The following ANKZF1 variants were observed in gnomAD, a reference collection of about 807,000 sequenced individuals.
ANKZF1 encodes the protein tRNA endonuclease ANKZF1.
A neutral mutation model predicts 86.0 loss-of-function variants in ANKZF1; 84 were observed. That is an observed-to-expected ratio of 0.98 (90% CI 0.82 to 1.17). The LOEUF is 1.17. ANKZF1 is among the 50% of genes most tolerant of loss of function. The pLI, the probability that ANKZF1 is intolerant of heterozygous loss-of-function variation, is 0.00. For missense variants in ANKZF1, 893 were observed against 918.4 expected (o/e 0.97, Z 0.36); for synonymous variants, 331 against 354.2 (o/e 0.93, Z 0.74).
At chr2:219,232,776 T>C (rs1951082068) in intron 5 of ANKZF1, 93 bp downstream of exon 5, 7 of 1,348,116 alleles carry the variant, frequency 5.2e-6, no homozygotes, top group Non-Finnish European at 7.1e-6. Context: ...CCTGCTTCTC[T>C]TCCTTCCTGT....
chr2:219,233,266 T>C lies in ANKZF1; in HGVS notation c.672-20T>C, dbSNP rs749244383. On this transcript the variant is annotated intron_variant, in intron 6 of 13. Transcript: ENST00000323348. ...GGGAGCACCAGCTGGTCTCCAGTAC[T>C]GAGTCTGTGCTGTCTACAGAAGAGA... 1.2e-6 allele frequency: 2 copies of C among 1,614,220 alleles called. No individual in the cohort carries two copies. The highest frequency in any genetic ancestry group is 1.7e-6 in the Non-Finnish European group (2 of 1,180,040).
chr2:219,236,121 G>A (rs756677201), intron 13 of ANKZF1, 26 bp downstream of exon 13: 1 of 1,613,496 alleles, frequency 6.2e-7, no homozygotes, highest in South Asian at 1.1e-5. Flanking sequence ...TGAGGGAGTG[G>A]GTGGACTGTA....
In ANKZF1 at chr2:219,234,141, C is replaced by T; in HGVS notation, c.1057C>T (p.Pro353Ser). 1 of 1,610,090 alleles carries T rather than the reference C, an allele frequency of 6.2e-7. No homozygotes were observed. Among genetic ancestry groups the T allele is most frequent in the Non-Finnish European group, 8.5e-7 (1 of 1,179,116 alleles). ...CTTTTCTTTTATGGCAGAAGAAGACCCTCGGGAAGCAGTCAGACTGCACTC... is the reference window on the plus strand; with the variant it reads ...CTTTTCTTTTATGGCAGAAGAAGACTCTCGGGAAGCAGTCAGACTGCACTC... Reference protein sequence around the residue: ...LTTLHVYEEDPREAVRLHSPQ... With the variant: ...LTTLHVYEEDSREAVRLHSPQ... Residue 353 changes from proline (P) to serine (S), a missense_variant, in exon 9 of 14, where the codon CCT becomes TCT. Coordinates refer to ENST00000323348, the MANE Select transcript of ANKZF1 (RefSeq NM_018089.3).
rs747660271 is a variant in ANKZF1, at chr2:219,235,786, C to A, written c.1882C>A (p.Arg628=). 5.6e-6 allele frequency: 9 copies of A among 1,614,040 alleles called. No individual in the cohort carries two copies. In the East Asian group the frequency reaches 1.6e-4, roughly 28 times the overall value. ...KREQKAARRQ[R]EEQQQRQQEQ... ...GGAGCAGAAGGCAGCCCGGCGGCAA[C>A]GGGAGGAACAGCAGCAGAGGCAGCA... The change falls in exon 12 of 14, where the codon CGG becomes AGG. Residue 628 remains arginine, a synonymous_variant. Transcript: ENST00000323348.
Position 219,234,169 on chromosome 2 carries a change from C to T in ANKZF1, c.1085C>T (p.Pro362Leu), listed in dbSNP as rs756458786. 7 of 1,614,048 alleles carry T rather than the reference C, an allele frequency of 4.3e-6. No homozygotes were observed. In the South Asian group the frequency reaches 6.6e-5, roughly 15 times the overall value. The change falls in exon 9 of 14, where the codon CCT (proline) becomes CTT (leucine). Residue 362 changes from proline to leucine, a missense_variant. Coordinates refer to ENST00000323348, the MANE Select transcript of ANKZF1 (RefSeq NM_018089.3). ...CGGGAAGCAGTCAGACTGCACTCAC[C>T]TCAGACACACTGGAAAACAGTAAGA... is the stretch of plus-strand genomic sequence containing the variant. ...DPREAVRLHS[P>L]QTHWKTVREE...
chr2:219,233,061 T>A lies in ANKZF1; in HGVS notation c.559-18T>A, dbSNP rs745849871. On this transcript the variant is annotated intron_variant, in intron 5 of 13. Transcript: ENST00000323348. ...GTGAATGCAACAGATATGTTTCTGATGCTTCTCTGTCATCAAGGATCCCCC... is the reference window on the plus strand; with the variant it reads ...GTGAATGCAACAGATATGTTTCTGAAGCTTCTCTGTCATCAAGGATCCCCC... 1.2e-6 allele frequency: 2 copies of A among 1,606,814 alleles called. No homozygotes were observed. The highest frequency in any genetic ancestry group is 2.2e-5 in the South Asian group (2 of 90,876).
At position 219,233,803 on chromosome 2, in the gene ANKZF1, G is replaced by C. The variant is rs751522323; in HGVS notation, c.908G>C (p.Arg303Pro). 4 of 1,613,994 alleles carry C rather than the reference G, an allele frequency of 2.5e-6. No individual in the cohort carries two copies. Among genetic ancestry groups the C allele is most frequent in the East Asian group, 2.2e-5 (1 of 44,900 alleles). ...TILLRAPRSG[R>P]SLFFGGKGAP... ...CTGTTGCGTGCTCCCCGCTCTGGCCGGTCTTTGTTCTTTGGAGGCAAGGGA... is the reference window on the plus strand; with the variant it reads ...CTGTTGCGTGCTCCCCGCTCTGGCCCGTCTTTGTTCTTTGGAGGCAAGGGA... The change falls in exon 8 of 14, where the codon CGG becomes CCG. Residue 303 changes from arginine to proline, a missense_variant. By Grantham distance (103) the Arg-to-Pro change is moderately radical. Transcript: ENST00000323348.
At position 219,232,618 on chromosome 2, in the gene ANKZF1, G is replaced by A. The variant is rs1460855780; in HGVS notation, c.493G>A (p.Val165Ile). The A allele has an allele frequency of 6.2e-7, 1 of 1,614,174 alleles. No homozygotes were observed. The highest frequency in any genetic ancestry group is 8.5e-7 in the Non-Finnish European group (1 of 1,180,020). Residue 165 changes from valine to isoleucine, a missense_variant, in exon 5 of 14, where the codon GTT (valine) becomes ATT (isoleucine). By Grantham distance (29) the Val-to-Ile change is conservative. Coordinates refer to ENST00000323348, the MANE Select transcript of ANKZF1 (RefSeq NM_018089.3). ...SRPPGFYPHR[V>I]LFQNAQGQFL... Reference sequence around the variant, plus strand: ...ACCCCCAGGCTTTTACCCTCATCGAGTTCTTTTCCAGAATGCCCAGGGCCA... The same window carrying A: ...ACCCCCAGGCTTTTACCCTCATCGAATTCTTTTCCAGAATGCCCAGGGCCA...
chr2:219,233,754 G>T lies in ANKZF1; in HGVS notation c.859G>T (p.Ala287Ser), dbSNP rs757091870. The change falls in exon 8 of 14, where the codon GCG becomes TCG. Residue 287 changes from alanine (A) to serine (S), a missense_variant. By Grantham distance (99) the Ala-to-Ser change is moderately conservative. Coordinates refer to ENST00000323348, the MANE Select transcript of ANKZF1 (RefSeq NM_018089.3). ...DLLAGPSWAKALEEAGTILLR... is the reference protein window; with the variant it reads ...DLLAGPSWAKSLEEAGTILLR... ...GCTGGCAGGGCCAAGCTGGGCTAAGGCGCTGGAGGAGGCTGGTACAATACT... is the reference window on the plus strand; with the variant it reads ...GCTGGCAGGGCCAAGCTGGGCTAAGTCGCTGGAGGAGGCTGGTACAATACT... 1.9e-6 allele frequency: 3 copies of T among 1,613,938 alleles called. No individual in the cohort carries two copies. The highest frequency in any genetic ancestry group is 1.3e-5 in the African/African-American group (1 of 74,932).
At chr2:219,234,054 C>T in intron 8 of ANKZF1, 79 bp from the exon 9 acceptor site, 3 of 1,554,804 alleles carry the variant, frequency 1.9e-6, no homozygotes, top group East Asian at 4.5e-5. Context: ...GACTGCAGCC[C>T]AGCTACATCT....
Position 219,232,349 on chromosome 2 carries a change from G to C in ANKZF1, c.351G>C (p.Lys117Asn), listed in dbSNP as rs771177890. 1 of 1,614,210 alleles carries C rather than the reference G, an allele frequency of 6.2e-7. No individual in the cohort carries two copies. Among genetic ancestry groups the C allele is most frequent in the East Asian group, 2.2e-5 (1 of 44,892 alleles). ...KPLLSALDFE[K>N]QSSTGDLSSI... ...TCCTGTCTGCCCTGGACTTTGAAAA[G>C]CAGAGCTCCACAGGTGATGAGTGGT... The change falls in exon 4 of 14, where the codon AAG becomes AAC. Residue 117 changes from lysine (K) to asparagine (N), a missense_variant. By Grantham distance (94) the Lys-to-Asn change is moderately conservative. Coordinates refer to ENST00000323348, the MANE Select transcript of ANKZF1 (RefSeq NM_018089.3).
rs1951242525 is a variant in ANKZF1, at chr2:219,236,489, GCA to G, written c.*47_*48del. 1.3e-6 allele frequency: 2 copies of G among 1,526,756 alleles called. No individual in the cohort carries two copies. The highest frequency in any genetic ancestry group is 4.4e-5 in the Admixed American group (2 of 45,596). 94.6% of individuals were successfully genotyped at this position (1,526,756 alleles called of 1,614,324 possible). On this transcript the variant is annotated 3_prime_UTR_variant, in exon 14 of 14. Coordinates refer to ENST00000323348, the MANE Select transcript of ANKZF1 (RefSeq NM_018089.3). ...GGGGCCAACTCAGGGACCTGAGAGG[GCA>G]CATTCACAGCAGCCCTAGGTTTTTT...
In ANKZF1 at chr2:219,235,043, A is replaced by C; in HGVS notation, c.1422A>C (p.Ala474=). The part of the protein sequence containing the change: ...EEEPSTQSSQ[A]VAAPLGPLLD... ...AGCCTTCCACACAGTCATCCCAGGC[A>C]GTTGCTGCCCCCTTGGGCCCTTTGC... is the stretch of plus-strand genomic sequence containing the variant. The change falls in exon 10 of 14, where the codon GCA becomes GCC. Residue 474 remains alanine (A), a synonymous_variant. Transcript: ENST00000323348. The C allele has an allele frequency of 6.2e-7, 1 of 1,614,258 alleles. No homozygotes were observed. Among genetic ancestry groups the C allele is most frequent in the Non-Finnish European group, 8.5e-7 (1 of 1,180,052 alleles).
intron 13 of ANKZF1, 47 bp downstream of exon 13, chr2:219,236,142 G>A (rs1187788864): frequency 1.9e-6 from 3 of 1,609,950 alleles, no homozygotes; most frequent in African/African-American, 2.7e-5. Flanking sequence ...ATGTTGCAGG[G>A]ACCATTGGGG....
Position 219,235,815 on chromosome 2 carries a change from G to A in ANKZF1, c.1911G>A (p.Glu637=). 1 of 1,614,164 alleles carries A rather than the reference G, an allele frequency of 6.2e-7. No individual in the cohort carries two copies. The change falls in exon 12 of 14, where the codon GAG becomes GAA. Residue 637 remains glutamate, a synonymous_variant. Coordinates refer to ENST00000323348, the MANE Select transcript of ANKZF1 (RefSeq NM_018089.3). ...QREEQQQRQQ[E]QEEREREEQR... Reference sequence around the variant, plus strand: ...AGGAACAGCAGCAGAGGCAGCAGGAGCAGGAGGAGCGTGAACGAGAAGAGC... The same window carrying A: ...AGGAACAGCAGCAGAGGCAGCAGGAACAGGAGGAGCGTGAACGAGAAGAGC...
At chr2:219,235,977 G>A (rs1326312611) in intron 12 of ANKZF1, 33 bp from the exon 13 acceptor site, 2 of 1,614,146 alleles carry the variant, frequency 1.2e-6, no homozygotes, top group Admixed American at 1.7e-5. Context: ...TCGCCACTGG[G>A]GCCTTGTCCT....
At chr2:219,230,467 G>T (rs1951000987) in intron 2 of ANKZF1, 62 bp downstream of exon 2, 2 of 1,524,866 alleles carry the variant, frequency 1.3e-6, no homozygotes, top group Non-Finnish European at 1.8e-6. Flanking sequence ...GCCCGTTCAG[G>T]GAACACATTC....
In ANKZF1 at chr2:219,236,458, C is replaced by G. The variant is rs754980150; in HGVS notation, c.*13C>G. On this transcript the variant is annotated 3_prime_UTR_variant, in exon 14 of 14. Coordinates refer to ENST00000323348, the MANE Select transcript of ANKZF1 (RefSeq NM_018089.3). ...GCCCTCTTCCTGATCTCTTACAGCT[C>G]TACCTGGGGCCAACTCAGGGACCTG... The G allele has an allele frequency of 6.4e-7, 1 of 1,562,094 alleles. No homozygotes were observed. Among genetic ancestry groups the G allele is most frequent in the Non-Finnish European group, 8.7e-7 (1 of 1,154,362 alleles).
Position 219,234,254 on chromosome 2 carries a change from A to G in ANKZF1, c.1170A>G (p.Glu390=). The change falls in exon 9 of 14, where the codon GAA becomes GAG. Residue 390 remains glutamate (E), a synonymous_variant. Transcript: ENST00000323348. ...GAAAGATCTGCAGGGATGAAAAGGAAGCGCTGGGGCAGAATGAGGAATCTC... is the reference window on the plus strand; with the variant it reads ...GAAAGATCTGCAGGGATGAAAAGGAGGCGCTGGGGCAGAATGAGGAATCTC... ...EIRKICRDEK[E]ALGQNEESPK... 1.2e-6 allele frequency: 2 copies of G among 1,613,988 alleles called. No individual in the cohort carries two copies. The highest frequency in any genetic ancestry group is 2.7e-5 in the African/African-American group (2 of 75,056).
Sources: gnomAD v4.1 joint callset for allele counts on GRCh38, gnomAD v4.1.1 for gene constraint, MANE v1.5 for transcripts, NCBI Gene and HGNC (gene_info 2026-07-23, HGNC 2026-07-21) for gene names.